APOH: variants seen among roughly 807,000 people sequenced by gnomAD.
The protein encoded by APOH is beta-2-glycoprotein 1.
APOH carries 48 observed loss-of-function variants against 39.8 expected under a neutral mutation model. That is an observed-to-expected ratio of 1.21 (90% CI 0.96 to 1.54). The LOEUF is 1.54. Ranked by LOEUF, APOH falls within the 40% of genes most tolerant of loss-of-function variation. The pLI is 0.00. For synonymous variants in APOH, 153 were observed against 151.1 expected (o/e 1.01, Z -0.09); for missense variants, 415 against 421.2 (o/e 0.99, Z 0.13).
chr17:66,220,838 G>C (rs978891123), intron 4 of APOH, 96 bp from the exon 5 acceptor site: 1 of 1,240,192 alleles, frequency 8.1e-7, no homozygotes, highest in Non-Finnish European at 1.1e-6. Flanking sequence ...GGATAAACTT[G>C]AGAAAATGCA....
chr17:66,226,621 C>CAAA lies in APOH; in HGVS notation c.242-500_242-498dup, dbSNP rs60139772. Among the ~76,000 whole-genome samples the CAAA allele has an allele frequency of 7.2e-4, 96 of 133,776 alleles. 1 individual carries two copies. The highest frequency in any genetic ancestry group is 7.5e-4 in the African/African-American group (28 of 37,196). The allele number at this position is 133,776 out of a possible 152,430, so 87.8% of individuals were successfully genotyped here. On this transcript the variant is annotated intron_variant, in intron 2 of 7. Coordinates refer to ENST00000205948, the MANE Select transcript of APOH (RefSeq NM_000042.3). ...GGGCAATAGAGTGAGACTCCGTCTC[C>CAAA]AAAAAAAAAAAAAAAATTGGATAGT...
At chr17:66,226,385 C>T (rs1316494382) in intron 2 of APOH, among the ~76,000 whole-genome samples, 1 of 152,192 alleles carries the variant, frequency 6.6e-6, no homozygotes, top group Non-Finnish European at 1.5e-5. Flanking sequence ...CGCCTGTAAT[C>T]CCAGCACTTT....
In APOH at chr17:66,212,091, A is replaced by T. The variant is rs750997155; in HGVS notation, c.*42T>A. ...TTTCAATTAGGTTCCTTGGATGAAC[A>T]AGAAACAAGTGTGACATTTTGTGTG... On this transcript the variant is annotated 3_prime_UTR_variant, in exon 8 of 8. Coordinates refer to ENST00000205948, the MANE Select transcript of APOH (RefSeq NM_000042.3). The T allele has an allele frequency of 6.5e-7, 1 of 1,545,282 alleles. No individual in the cohort carries two copies. The highest frequency in any genetic ancestry group is 2.3e-5 in the East Asian group (1 of 44,396).
chr17:66,222,099 G>A (rs1040664512), intron 4 of APOH, among the ~76,000 whole-genome samples: 1 of 152,166 alleles, frequency 6.6e-6, no homozygotes, highest in Admixed American at 6.5e-5. Flanking sequence ...TGGAAAGTGA[G>A]TTTATGGCTA....
intron 7 of APOH, among the ~76,000 whole-genome samples, chr17:66,214,067 GT>G (rs2073350182): frequency 6.6e-6 from 1 of 152,034 alleles, no homozygotes; most frequent in Admixed American, 6.6e-5. Flanking sequence ...TGTTTTGTTT[GT>G]TTTTGTTTTG....
intron 3 of APOH, among the ~76,000 whole-genome samples, chr17:66,224,432 C>T (rs1271794801): frequency 8.0e-6 from 1 of 125,026 alleles, no homozygotes; most frequent in Non-Finnish European, 1.6e-5. Flanking sequence ...CATGATTGTG[C>T]CACTGCACTC....
intron 5 of APOH, among the ~76,000 whole-genome samples, chr17:66,217,634 G>T (rs1306738025): frequency 2.6e-5 from 4 of 151,978 alleles, no homozygotes; most frequent in Non-Finnish European, 5.9e-5. Context: ...CTCAATTTTG[G>T]TTCTACCACA....
At chr17:66,227,942 A>G in intron 2 of APOH, 78 bp downstream of exon 2, 3 of 1,486,158 alleles carry the variant, frequency 2.0e-6, no homozygotes, top group Admixed American at 1.9e-5. Flanking sequence ...CACTCTGAGC[A>G]TGACGAGGTA....
chr17:66,217,664 C>T (rs2073373790), intron 5 of APOH, among the ~76,000 whole-genome samples: 1 of 152,054 alleles, frequency 6.6e-6, no homozygotes, highest in Non-Finnish European at 1.5e-5. Flanking sequence ...AAACAGAATT[C>T]ATGTGGCCAG....
intron 2 of APOH, 118 bp downstream of exon 2, chr17:66,227,902 T>A (rs531075776): frequency 9.4e-7 from 1 of 1,062,362 alleles, no homozygotes; most frequent in African/African-American, 1.6e-5. Context: ...CTCTCCAACC[T>A]GGCTTTCTGC....
chr17:66,214,328 G>A (rs2073351661), intron 7 of APOH, 125 bp downstream of exon 7: 1 of 877,580 alleles, frequency 1.1e-6, no homozygotes, highest in Non-Finnish European at 1.8e-6. Flanking sequence ...CAAAGTGCTG[G>A]GATTACAGGC....
intron 5 of APOH, among the ~76,000 whole-genome samples, chr17:66,217,819 T>C (rs936963814): frequency 1.3e-5 from 2 of 152,038 alleles, no homozygotes; most frequent in African/African-American, 4.8e-5. Flanking sequence ...GGCATGCACC[T>C]GTAATCCCAG....
At chr17:66,216,483 CAAAA>C (rs10618003) in intron 6 of APOH, among the ~76,000 whole-genome samples, 4 of 123,104 alleles carry the variant, frequency 3.2e-5, no homozygotes, top group Non-Finnish European at 3.8e-5. Flanking sequence ...GACTCCATCT[CAAAA>C]AAAAAAAAAA....
chr17:66,223,723 C>G lies in APOH; in HGVS notation c.390G>C (p.Trp130Cys), dbSNP rs1219058843. The G allele has an allele frequency of 1.9e-6, 3 of 1,614,164 alleles. No homozygotes were observed. Among genetic ancestry groups the G allele is most frequent in the Non-Finnish European group, 8.5e-7 (1 of 1,180,022 alleles). Residue 130 changes from tryptophan to cysteine, a missense_variant, in exon 4 of 8, where the codon TGG becomes TGC. Physicochemically the swap from Trp to Cys is radical, Grantham distance 215. This residue lies in a region of APOH where 288 missense variants were observed against 284.9 expected (regional missense o/e 1.01). Transcript: ENST00000205948. Reference protein sequence around the residue: ...DSAKCTEEGKWSPELPVCAPI... With the variant: ...DSAKCTEEGKCSPELPVCAPI... ...GAGCACAGACAGGAAGCTCCGGGCT[C>G]CATTTTCCTTCCTCAGTGCACTTGG... is the stretch of plus-strand genomic sequence containing the variant.
In APOH at chr17:66,216,827, T is replaced by C. The variant is rs778455468; in HGVS notation, c.745A>G (p.Thr249Ala). Residue 249 changes from threonine (T) to alanine (A), a missense_variant, in exon 6 of 8, where the codon ACC becomes GCC. Transcript: ENST00000205948. ...ATGGCAGACCAGTTTCCCAGTTTGG[T>C]ACATTCTATTTCTTCCGGGCCATCC... ...SLDGPEEIECTKLGNWSAMPS... is the reference protein window; with the variant it reads ...SLDGPEEIECAKLGNWSAMPS... The C allele has an allele frequency of 7.5e-6, 12 of 1,609,704 alleles. No homozygotes were observed. The Admixed American group carries it at 1.5e-4, about 20-fold the overall frequency.
chr17:66,216,165 T>TAAAA (rs2073363961), intron 6 of APOH, among the ~76,000 whole-genome samples: 2 of 81,980 alleles, frequency 2.4e-5, no homozygotes, highest in African/African-American at 9.7e-5. Context: ...AGACTCCATC[T>TAAAA]CAAAAAAAAA....
intron 2 of APOH, among the ~76,000 whole-genome samples, chr17:66,226,735 T>A (rs1355754472): frequency 6.6e-6 from 1 of 151,842 alleles, no homozygotes; most frequent in Non-Finnish European, 1.5e-5. Flanking sequence ...AATTGTGAAA[T>A]ATGTGGAGAT....
chr17:66,212,041 T>C lies in APOH; in HGVS notation c.*92A>G. The C allele has an allele frequency of 8.8e-7, 1 of 1,133,990 alleles. No homozygotes were observed. The highest frequency in any genetic ancestry group is 1.3e-6 in the Non-Finnish European group (1 of 755,578). 70.2% of individuals were successfully genotyped at this position (1,133,990 alleles called of 1,614,324 possible). On this transcript the variant is annotated 3_prime_UTR_variant, in exon 8 of 8. Transcript: ENST00000205948. The stretch of plus-strand genomic sequence containing the variant: ...GCTAACACTGCAATGGGTGCGGCAA[T>C]AAATTCAGTAGCTTTATTTTTAAAT...
intron 5 of APOH, among the ~76,000 whole-genome samples, chr17:66,217,588 A>G (rs2073373490): frequency 6.6e-6 from 1 of 152,054 alleles, no homozygotes. Context: ...TTAAGGAGGT[A>G]ATTAAGGGTA....
Sources: allele counts gnomAD v4.1 joint callset (sites outside exome capture counted in the v4.1 genomes callset), GRCh38; gene constraint gnomAD v4.1.1; regional missense constraint gnomAD v4.1.1; transcripts MANE v1.5; gene names NCBI Gene and HGNC (gene_info 2026-07-23, HGNC 2026-07-21).